The following EXOC6 variants were observed in gnomAD, a reference collection of about 807,000 sequenced individuals.
EXOC6 encodes SEC15-like 1.
EXOC6 carries 60 observed loss-of-function variants against 112.5 expected under a neutral mutation model. The observed-to-expected ratio is 0.53, with a 90% CI of 0.43 to 0.66. The LOEUF (loss-of-function observed/expected upper bound fraction) is 0.66, where lower values mean the gene tolerates loss of function less well. EXOC6 is among the 30% of genes least tolerant of loss of function. The probability of loss-of-function intolerance (pLI) is 0.00; values close to 1 mark genes in which losing one functional copy is unlikely to be tolerated. For synonymous variants in EXOC6, 295 were observed against 308.0 expected (o/e 0.96, Z 0.44); for missense variants, 855 against 957.1 (o/e 0.89, Z 1.41).
intron 19 of EXOC6, among the ~76,000 whole-genome samples, 198 bp from the exon 20 acceptor site, chr10:93,013,996 A>G: frequency 6.6e-6 from 1 of 152,214 alleles, no homozygotes; most frequent in East Asian, 1.9e-4. Context: ...GAAATTTAAA[A>G]TTATTAAAAC....
chr10:92,899,744 C>A (rs1850053978), intron 5 of EXOC6, 100 bp downstream of exon 5: 24 of 883,728 alleles, frequency 2.7e-5, no homozygotes, highest in Non-Finnish European at 3.9e-5. Flanking sequence ...ATGAGTTTTG[C>A]TTTCTTCATT....
chr10:92,919,373 G>A (rs145450527), intron 7 of EXOC6, among the ~76,000 whole-genome samples: 1 of 152,150 alleles, frequency 6.6e-6, no homozygotes, highest in African/African-American at 2.4e-5. Flanking sequence ...CTTTAAAAAG[G>A]GTTTATGTAT....
At chr10:92,972,663 C>T (rs1564874838) in intron 17 of EXOC6, among the ~76,000 whole-genome samples, 1 of 152,146 alleles carries the variant, frequency 6.6e-6, no homozygotes. Context: ...TCCTGTCAGT[C>T]TTAGCCAGCA....
At chr10:93,037,090 AT>A (rs1845546572) in intron 20 of EXOC6, among the ~76,000 whole-genome samples, 1 of 151,800 alleles carries the variant, frequency 6.6e-6, no homozygotes, top group South Asian at 2.1e-4. Flanking sequence ...AAGGAGCTAT[AT>A]CTTTTCTCTC....
At chr10:92,900,684 A>G (rs1167018584) in intron 5 of EXOC6, 1 of 151,046 alleles carries the variant, frequency 6.6e-6, no homozygotes, top group Non-Finnish European at 1.5e-5. Flanking sequence ...AACAGATATC[A>G]CCTTTCCTAT....
chr10:92,891,756 C>T (rs1849515442), intron 1 of EXOC6, among the ~76,000 whole-genome samples: 2 of 152,156 alleles, frequency 1.3e-5, no homozygotes, highest in South Asian at 4.1e-4. Flanking sequence ...GCTGGGATTA[C>T]AGGTGTGAGC....
intron 20 of EXOC6, among the ~76,000 whole-genome samples, chr10:93,046,431 G>T (rs1846003257): frequency 6.6e-6 from 1 of 152,150 alleles, no homozygotes; most frequent in Admixed American, 6.5e-5. Flanking sequence ...ACACAAAAAA[G>T]AGTGACAGCT....
At chr10:93,020,207 A>C (rs2134255382) in intron 20 of EXOC6, among the ~76,000 whole-genome samples, 1 of 152,302 alleles carries the variant, frequency 6.6e-6, no homozygotes, top group South Asian at 2.1e-4. Flanking sequence ...CAAGTCTCCA[A>C]ACTAATGTTT....
At chr10:92,901,412 AC>A (rs1850161644) in intron 5 of EXOC6, 1 of 151,472 alleles carries the variant, frequency 6.6e-6, no homozygotes, top group African/African-American at 2.4e-5. Context: ...CCCCACCACC[AC>A]CTTTTTTCTT....
At chr10:92,861,337 C>T (rs1217064611) in intron 1 of EXOC6, among the ~76,000 whole-genome samples, 1 of 152,140 alleles carries the variant, frequency 6.6e-6, no homozygotes, top group African/African-American at 2.4e-5. Flanking sequence ...AGATGGCAGT[C>T]TCTGGTCTTG....
chr10:93,056,855 G>A, intron 20 of EXOC6, 69 bp from the exon 21 acceptor site: 1 of 824,614 alleles, frequency 1.2e-6, no homozygotes, highest in Admixed American at 2.2e-5. Context: ...ACCAAGGATA[G>A]CATATAATTT....
chr10:92,872,269 GT>G (rs1262554835), intron 1 of EXOC6, among the ~76,000 whole-genome samples: 1 of 151,672 alleles, frequency 6.6e-6, no homozygotes, highest in South Asian at 2.1e-4. Flanking sequence ...TATATTATGT[GT>G]TTTTTATAAC....
At position 92,972,229 on chromosome 10, in the gene EXOC6, C is replaced by T. The variant is rs556637555; in HGVS notation, c.1774-1824C>T. Among the ~76,000 whole-genome samples, 8 of 152,310 alleles carry T rather than the reference C, an allele frequency of 5.3e-5. 1 individual carries two copies. Among genetic ancestry groups the T allele is most frequent in the South Asian group, 4.1e-4 (2 of 4,828 alleles). On this transcript the variant is annotated intron_variant, in intron 17 of 21. Coordinates refer to ENST00000260762, the MANE Select transcript of EXOC6 (RefSeq NM_019053.6). ...CACATGATACCAGTGGGCTAGGGGA[C>T]GTCCCCAAATGCTGCTGGGACCTTG...
chr10:92,918,201 C>T (rs903056330), intron 7 of EXOC6, among the ~76,000 whole-genome samples: 9 of 152,062 alleles, frequency 5.9e-5, no homozygotes, highest in Admixed American at 1.3e-4. Flanking sequence ...TACCTTTTAT[C>T]GTCCTTTTCA....
chr10:92,930,831 A>T (rs1383162350), intron 9 of EXOC6, among the ~76,000 whole-genome samples: 1 of 152,070 alleles, frequency 6.6e-6, no homozygotes, highest in Non-Finnish European at 1.5e-5. Flanking sequence ...TGTTGTTAAG[A>T]AAATGAAAAA....
intron 1 of EXOC6, among the ~76,000 whole-genome samples, chr10:92,868,815 C>CTT (rs370569114): frequency 3.8e-4 from 52 of 135,874 alleles, no homozygotes; most frequent in East Asian, 1.1e-3. Flanking sequence ...CTCCCTCCCT[C>CTT]TTTTTTTTTT....
Position 92,948,256 on chromosome 10 carries a change from A to AT in EXOC6, c.1311-14dup. On this transcript the variant is annotated splice_polypyrimidine_tract_variant and intron_variant, in intron 13 of 21. Transcript: ENST00000260762. The stretch of plus-strand genomic sequence containing the variant: ...TATGCTTTGTAATGATAAGTTTTCA[A>AT]TTTTCCTTTCCTAACAGGGACATTT... 6.6e-7 allele frequency: 1 copy of AT among 1,510,998 alleles called. No homozygotes were observed. The highest frequency in any genetic ancestry group is 1.2e-5 in the South Asian group (1 of 85,874). 93.6% of individuals were successfully genotyped at this position (1,510,998 alleles called of 1,614,324 possible). A position where few individuals can be genotyped will look rare whatever the true frequency, so the allele number is the denominator to read the frequency against.
intron 1 of EXOC6, among the ~76,000 whole-genome samples, chr10:92,877,456 C>A (rs1441787624): frequency 6.6e-6 from 1 of 152,088 alleles, no homozygotes; most frequent in African/African-American, 2.4e-5. Flanking sequence ...ACCAGTTGTC[C>A]TTTATACTTC....
chr10:92,868,166 G>A (rs1282684556), intron 1 of EXOC6, among the ~76,000 whole-genome samples: 3 of 152,094 alleles, frequency 2.0e-5, no homozygotes, highest in African/African-American at 2.4e-5. Flanking sequence ...AGTTATAGGG[G>A]AGTCCACCCA....
Sources: gnomAD v4.1 joint callset for allele counts (sites outside exome capture counted in the v4.1 genomes callset) on GRCh38, gnomAD v4.1.1 for gene constraint, MANE v1.5 for transcripts, NCBI Gene and HGNC (gene_info 2026-07-23, HGNC 2026-07-21) for gene names.